The following ANK3 variants were observed in gnomAD, a reference collection of about 807,000 sequenced individuals.
ANK3 encodes the protein ankyrin 3, also known as ankyrin-3.
In ANK3, 57 loss-of-function variants were observed where a neutral mutation model predicts 370.9. That is an observed-to-expected ratio of 0.15 (90% CI 0.12 to 0.19). The LOEUF is 0.19. Among genes scored for constraint, ANK3 ranks in the 10% least tolerant of loss-of-function variants. ANK3 has a pLI of 1.00. For missense variants in ANK3, 4,439 were observed against 5,302.1 expected (o/e 0.84, Z 5.06); for synonymous variants, 1,929 against 1,946.3 (o/e 0.99, Z 0.23).
intron 1 of ANK3, among the ~76,000 whole-genome samples, chr10:60,668,766 G>T (rs568907776): frequency 1.3e-5 from 2 of 152,214 alleles, no homozygotes; most frequent in South Asian, 4.2e-4. Context: ...GGCTGAGGCG[G>T]GTGGATCACA....
chr10:60,138,162 C>T (rs1316981822), intron 24 of ANK3, among the ~76,000 whole-genome samples: 1 of 152,150 alleles, frequency 6.6e-6, no homozygotes, highest in Non-Finnish European at 1.5e-5. Context: ...GTGCCATTTA[C>T]TATTAGACAA....
chr10:60,202,108 C>A (rs972434308), intron 12 of ANK3, among the ~76,000 whole-genome samples: 16 of 151,932 alleles, frequency 1.1e-4, no homozygotes, highest in African/African-American at 3.1e-4. Context: ...AAATACCCCC[C>A]ATACTTTATT....
intron 28 of ANK3, among the ~76,000 whole-genome samples, chr10:60,088,625 A>G (rs1286635102): frequency 1.3e-5 from 2 of 152,178 alleles, no homozygotes; most frequent in East Asian, 3.9e-4. Context: ...GGGTTTCTCC[A>G]TGTTGGCCAG....
At chr10:60,495,127 G>A (rs1051019025) in intron 2 of ANK3, among the ~76,000 whole-genome samples, 1 of 152,136 alleles carries the variant, frequency 6.6e-6, no homozygotes, top group African/African-American at 2.4e-5. Context: ...AAAAGTTCAG[G>A]TCAACAGCAA....
At chr10:60,426,279 T>C (rs2132964576) in intron 2 of ANK3, among the ~76,000 whole-genome samples, 1 of 152,178 alleles carries the variant, frequency 6.6e-6, no homozygotes, top group South Asian at 2.1e-4. Flanking sequence ...TCCTTTCTCC[T>C]TGTTTTAGCA....
At chr10:60,524,954 A>C (rs2076435182) in intron 2 of ANK3, among the ~76,000 whole-genome samples, 1 of 152,142 alleles carries the variant, frequency 6.6e-6, no homozygotes, top group Non-Finnish European at 1.5e-5. Context: ...TCAATAATTC[A>C]GCACTGTATT....
At chr10:60,298,926 C>A (rs1593274059) in intron 1 of ANK3, among the ~76,000 whole-genome samples, 2 of 152,266 alleles carry the variant, frequency 1.3e-5, no homozygotes, top group African/African-American at 4.8e-5. Context: ...GTTTTCAAAT[C>A]CACAACTAAT....
intron 2 of ANK3, among the ~76,000 whole-genome samples, chr10:60,506,408 A>G (rs980946121): frequency 4.6e-5 from 7 of 152,146 alleles, no homozygotes; most frequent in Non-Finnish European, 8.8e-5. Flanking sequence ...TTAAAGAGAA[A>G]GATGTGGCTG....
intron 1 of ANK3, among the ~76,000 whole-genome samples, chr10:60,724,197 A>G (rs376224776): frequency 6.2e-4 from 81 of 130,674 alleles, no homozygotes; most frequent in Middle Eastern, 3.6e-3. Flanking sequence ...GCGACAGAGC[A>G]AGACTCCGTC....
At position 60,630,850 on chromosome 10, in the gene ANK3, A is replaced by G. The variant is rs1027986031; in HGVS notation, c.58-15626T>C. On this transcript the variant is annotated intron_variant, in intron 1 of 43. Coordinates refer to the ANK3 transcript ENST00000373827. ...ACCCTGTTTTTATGACTGTGTGGAC[A>G]ATGGATTGCACAGAGGGACCAGAAA... Among the ~76,000 whole-genome samples, 5 of 152,310 alleles carry G rather than the reference A, an allele frequency of 3.3e-5. No homozygotes were observed. In the East Asian group the frequency reaches 9.7e-4, roughly 29 times the overall value.
chr10:60,348,604 G>A (rs2056207710), intron 1 of ANK3, among the ~76,000 whole-genome samples: 1 of 152,182 alleles, frequency 6.6e-6, no homozygotes, highest in Non-Finnish European at 1.5e-5. Flanking sequence ...CCACTTCAGA[G>A]GGTTGAAAGA....
chr10:60,076,217 G>A lies in ANK3; in HGVS notation c.4664C>T (p.Ala1555Val), dbSNP rs765064777. 5.0e-6 allele frequency: 8 copies of A among 1,614,152 alleles called. No individual in the cohort carries two copies. The highest frequency in any genetic ancestry group is 6.8e-6 in the Non-Finnish European group (8 of 1,179,982). Residue 1555 changes from alanine (A) to valine (V), a missense_variant, in exon 37 of 44, where the codon GCG (alanine) becomes GTG (valine). Ala to Val is a moderately conservative substitution (Grantham distance 64). Coordinates refer to ENST00000280772, the MANE Select transcript of ANK3 (RefSeq NM_020987.5). ...GGATTTAACTGAAGATGTAGTTGACGCGCCTAATGTGGATTTGATTGGAGA... is the reference window on the plus strand; with the variant it reads ...GGATTTAACTGAAGATGTAGTTGACACGCCTAATGTGGATTTGATTGGAGA... Reference protein sequence around the residue: ...TPSPIKSTLGASTTSSVKSIS... With the variant: ...TPSPIKSTLGVSTTSSVKSIS...
chr10:60,080,750 G>A (rs2085006697), intron 35 of ANK3, 132 bp from the exon 36 acceptor site: 2 of 830,360 alleles, frequency 2.4e-6, no homozygotes, highest in Non-Finnish European at 1.8e-6. Context: ...ATTTCCCACT[G>A]GGATTTTGTA....
chr10:60,384,359 T>C (rs2061966104), intron 1 of ANK3, among the ~76,000 whole-genome samples: 1 of 152,224 alleles, frequency 6.6e-6, no homozygotes, highest in South Asian at 2.1e-4. Flanking sequence ...AAACAGACAC[T>C]ACAATACTGA....
intron 18 of ANK3, among the ~76,000 whole-genome samples, chr10:60,180,594 C>CAAAAAAAAAAAAAAAAAAAAAA (rs58386273): frequency 3.2e-5 from 2 of 63,420 alleles, no homozygotes; most frequent in East Asian, 5.0e-4. Flanking sequence ...GACTCCGTCT[C>CAAAAAAAAAAAAAAAAAAAAAA]AAAAAAAAAA....
chr10:60,456,847 G>A (rs2064761596), intron 2 of ANK3, among the ~76,000 whole-genome samples: 1 of 152,116 alleles, frequency 6.6e-6, no homozygotes, highest in African/African-American at 2.4e-5. Context: ...GCTTCCTGCT[G>A]CTAGGTCTGG....
intron 7 of ANK3, among the ~76,000 whole-genome samples, chr10:60,250,446 G>C (rs7091676): frequency 0.64 from 97,585 of 152,014 alleles, 31,582 homozygotes; most frequent in East Asian, 0.76. Context: ...CTCACTGCAA[G>C]CTCTGCCTCC....
Position 60,072,081 on chromosome 10 carries a change from C to A in ANK3, c.8800G>T (p.Val2934Phe), listed in dbSNP as rs867338505. 2 of 1,614,098 alleles carry A rather than the reference C, an allele frequency of 1.2e-6. No homozygotes were observed. Among genetic ancestry groups the A allele is most frequent in the Non-Finnish European group, 1.7e-6 (2 of 1,180,014 alleles). Residue 2934 changes from valine (V) to phenylalanine (F), a missense_variant, in exon 37 of 44, where the codon GTT becomes TTT. By Grantham distance (50) the Val-to-Phe change is conservative (BLOSUM62 -1). Around this residue, in one of 13 missense-constraint regions of ANK3, gnomAD observed 1,601 missense variants for 1,731.7 expected, o/e 0.92. Coordinates refer to ENST00000280772, the MANE Select transcript of ANK3 (RefSeq NM_020987.5). ...CCTGGATGGTCCCCTTCTTTCACAA[C>A]ATATTCCCTATATAAGACTTTTTTG... is the stretch of plus-strand genomic sequence containing the variant. ...PSKKVLYREY[V>F]VKEGDHPGGL... is the part of the protein sequence containing the mutation.
chr10:60,207,318 A>G (rs988127145), intron 10 of ANK3, among the ~76,000 whole-genome samples: 15 of 152,306 alleles, frequency 9.8e-5, no homozygotes, highest in African/African-American at 3.1e-4. Flanking sequence ...AAAAGGGTCA[A>G]TTGGATGATG....
Sources: allele counts gnomAD v4.1 joint callset (sites outside exome capture counted in the v4.1 genomes callset), GRCh38; gene constraint gnomAD v4.1.1; regional missense constraint gnomAD v4.1.1; transcripts MANE v1.5; gene names NCBI Gene and HGNC (gene_info 2026-07-23, HGNC 2026-07-21).